Variants in GRM7 observed in about 807,000 individuals in gnomAD.
GRM7 encodes the protein metabotropic glutamate receptor 7.
In GRM7, 35 loss-of-function variants were observed where a neutral mutation model predicts 84.5. The observed-to-expected ratio is 0.41, with a 90% CI of 0.32 to 0.55. The LOEUF (loss-of-function observed/expected upper bound fraction) is 0.55. Ranked by LOEUF, GRM7 falls within the 20% of genes least tolerant of loss-of-function variation. The pLI, the probability that GRM7 is intolerant of heterozygous loss-of-function variation, is 0.19. For missense variants in GRM7, 1,003 were observed against 1,194.6 expected, an observed-to-expected ratio of 0.84 and a Z score of 2.36; for synonymous variants, 487 against 455.1, an observed-to-expected ratio of 1.07 and a Z score of -0.89.
intron 1 of GRM7, among the ~76,000 whole-genome samples, chr3:7,086,295 T>C (rs1698456776): frequency 6.6e-6 from 1 of 152,168 alleles, no homozygotes; most frequent in Admixed American, 6.6e-5. Flanking sequence ...TGAGGGTATA[T>C]GTGTGTATAA....
At chr3:7,555,942 A>C (rs1693737157) in intron 7 of GRM7, among the ~76,000 whole-genome samples, 1 of 152,178 alleles carries the variant, frequency 6.6e-6, no homozygotes, top group Non-Finnish European at 1.5e-5. Context: ...TTTTAACTTT[A>C]AAGTTTAAAG....
intron 8 of GRM7, among the ~76,000 whole-genome samples, chr3:7,581,175 C>T (rs1385440): frequency 0.52 from 78,933 of 151,848 alleles, 20,988 homozygotes; most frequent in Non-Finnish European, 0.57. Context: ...CTAGTCATGA[C>T]TATGGATCTT....
rs541219053 is a variant in GRM7 at position 7,059,574 on chromosome 3, A to ATT, written c.520-86873_520-86872dup. Among the ~76,000 whole-genome samples, 162 of 151,858 alleles carry ATT rather than the reference A, an allele frequency of 1.1e-3. 1 individual carries two copies. Among genetic ancestry groups the ATT allele is most frequent in the African/African-American group, 3.5e-3 (145 of 41,494 alleles). Reference sequence around the variant, plus strand: ...AGGTAACCTAAATCTTTCTAAAATCATTTTTTATCTCATTTCCTATGTTCT... The same window carrying ATT: ...AGGTAACCTAAATCTTTCTAAAATCATTTTTTTTATCTCATTTCCTATGTTCT... On this transcript the variant is annotated intron_variant, in intron 1 of 9. Transcript: ENST00000357716.
At chr3:7,119,896 A>G (rs145968690) in intron 1 of GRM7, among the ~76,000 whole-genome samples, 19 of 152,174 alleles carry the variant, frequency 1.2e-4, no homozygotes, top group African/African-American at 4.1e-4. Flanking sequence ...ATTTCCTCCC[A>G]TTGTAATATG....
chr3:7,341,446 T>G (rs903476060), intron 4 of GRM7, among the ~76,000 whole-genome samples: 2 of 151,976 alleles, frequency 1.3e-5, no homozygotes, highest in Non-Finnish European at 2.9e-5. Context: ...AAAGAAGAAG[T>G]CATGTACTAC....
At chr3:7,063,963 A>G (rs547202927) in intron 1 of GRM7, among the ~76,000 whole-genome samples, 1 of 149,268 alleles carries the variant, frequency 6.7e-6, no homozygotes, top group African/African-American at 2.5e-5. Context: ...GTAGAGCAAA[A>G]GGTGGTGGGT....
At chr3:7,608,762 C>T (rs745476533) in intron 8 of GRM7, among the ~76,000 whole-genome samples, 9 of 152,036 alleles carry the variant, frequency 5.9e-5, no homozygotes, top group East Asian at 1.9e-4. Context: ...TGATTGCTTT[C>T]GGAGTCTTTG....
At chr3:7,468,300 C>T (rs1409618573) in intron 7 of GRM7, among the ~76,000 whole-genome samples, 4 of 152,068 alleles carry the variant, frequency 2.6e-5, no homozygotes, top group Non-Finnish European at 4.4e-5. Context: ...CACCTTTCTG[C>T]CCATCATAAT....
Position 7,417,251 on chromosome 3 carries a change from C to T in GRM7, c.1174+2088C>T, listed in dbSNP as rs189345227. ...AAAATATTCGTATATTCTCACCTTC[C>T]TTTTTCCTTCCTCATCACTTTCTTT... On this transcript the variant is annotated intron_variant, in intron 5 of 9. Transcript: ENST00000357716. Among the ~76,000 whole-genome samples the T allele has an allele frequency of 1.4e-4, 22 of 152,160 alleles. No homozygotes were observed. The East Asian group carries it at 4.1e-3, about 28-fold the overall frequency.
intron 5 of GRM7, among the ~76,000 whole-genome samples, chr3:7,427,843 G>A (rs1366654082): frequency 6.6e-6 from 1 of 152,214 alleles, no homozygotes; most frequent in East Asian, 1.9e-4. Context: ...TGGCAGCTCA[G>A]GGTCAGCGAG....
intron 2 of GRM7, among the ~76,000 whole-genome samples, chr3:7,280,986 T>A (rs1173130740): frequency 3.3e-5 from 5 of 152,078 alleles, no homozygotes; most frequent in African/African-American, 1.2e-4. Context: ...GACACTAAAT[T>A]TACTCTGAAA....
At chr3:7,174,693 G>T (rs995030951) in intron 2 of GRM7, among the ~76,000 whole-genome samples, 1 of 152,170 alleles carries the variant, frequency 6.6e-6, no homozygotes, top group African/African-American at 2.4e-5. Context: ...TAGGAGAGGA[G>T]ATAGGGAAGT....
intron 7 of GRM7, among the ~76,000 whole-genome samples, chr3:7,537,117 G>A (rs1701272756): frequency 6.6e-6 from 1 of 152,154 alleles, no homozygotes; most frequent in Non-Finnish European, 1.5e-5. Context: ...ATGTCTGGAG[G>A]AGTGTGTGAG....
intron 3 of GRM7, among the ~76,000 whole-genome samples, chr3:7,305,393 T>A (rs1700159663): frequency 2.3e-5 from 1 of 43,808 alleles, no homozygotes; most frequent in Non-Finnish European, 9.0e-5. Context: ...CATGTGCACA[T>A]TGTGCAGGTT....
At chr3:6,917,152 A>G (rs1696968755) in intron 1 of GRM7, among the ~76,000 whole-genome samples, 2 of 152,154 alleles carry the variant, frequency 1.3e-5, no homozygotes, top group South Asian at 4.1e-4. Flanking sequence ...TAATACCTTC[A>G]TTATAGATTT....
chr3:7,274,901 TCTC>T (rs1698996377), intron 2 of GRM7, among the ~76,000 whole-genome samples: 1 of 152,082 alleles, frequency 6.6e-6, no homozygotes, highest in African/African-American at 2.4e-5. Flanking sequence ...TTCTCTTTCT[TCTC>T]CTTCTGGTAT....
intron 8 of GRM7, chr3:7,591,424 A>G (rs1215392059): frequency 2.3e-6 from 1 of 435,108 alleles, no homozygotes; most frequent in Non-Finnish European, 4.5e-6. Flanking sequence ...TTGTTTACAA[A>G]TGAATGTCCA....
chr3:7,205,111 A>C (rs1409961166), intron 2 of GRM7, among the ~76,000 whole-genome samples: 1 of 152,234 alleles, frequency 6.6e-6, no homozygotes, highest in East Asian at 1.9e-4. Context: ...TTTAGGCTTC[A>C]GACAATGTCA....
intron 7 of GRM7, among the ~76,000 whole-genome samples, chr3:7,498,722 C>A (rs1575420082): frequency 6.6e-6 from 1 of 152,256 alleles, no homozygotes; most frequent in East Asian, 1.9e-4. Context: ...TGAGACATCG[C>A]CTAGTTCAGT....
Sources: allele counts gnomAD v4.1 joint callset (sites outside exome capture counted in the v4.1 genomes callset), GRCh38; gene constraint gnomAD v4.1.1; transcripts MANE v1.5; gene names NCBI Gene and HGNC (gene_info 2026-07-23, HGNC 2026-07-21).